The following MAP3K9 variants were observed in gnomAD, a reference collection of about 807,000 sequenced individuals.
The protein encoded by MAP3K9 is mitogen-activated protein kinase kinase kinase 9, also known as mixed lineage kinase 1 (tyr and ser/thr specificity).
MAP3K9 carries 46 observed loss-of-function variants against 95.8 expected under a neutral mutation model. That is an observed-to-expected ratio of 0.48 (90% CI 0.38 to 0.61). MAP3K9 has a LOEUF of 0.61. Among genes scored for constraint, MAP3K9 ranks in the 20% least tolerant of loss-of-function variants. MAP3K9 has a pLI of 0.00. For synonymous variants in MAP3K9, 533 were observed against 593.8 expected (o/e 0.90, Z 1.49); for missense variants, 1,296 against 1,474.3 (o/e 0.88, Z 1.98).
intron 8 of MAP3K9, 48 bp from the exon 9 acceptor site, chr14:70,736,077 A>T: frequency 7.7e-7 from 1 of 1,290,576 alleles, no homozygotes; most frequent in South Asian, 1.2e-5. Context: ...GGGCACATCC[A>T]GCTCAGCCTC....
rs763965483 is a variant in MAP3K9 at position 70,740,145 on chromosome 14, CG to C, written c.1586del (p.Thr529ArgfsTer36). 1 of 1,613,040 alleles carries C rather than the reference CG, an allele frequency of 6.2e-7. No homozygotes were observed. Among genetic ancestry groups the C allele is most frequent in the African/African-American group, 1.3e-5 (1 of 74,866 alleles). ...TATCCATGGTAGGGGAGGCCTGCAC[CG>C]TGAACTTGTGCTGGAAATCTGCTTG... Reference protein sequence around the residue: ...SLPSDFQHKFTVQASPTMDKR... With the variant: ...SLPSDFQHKFXVQASPTMDKR... On this transcript the variant is annotated frameshift_variant, in exon 7 of 12. Transcript: ENST00000554752. LOFTEE classifies it high-confidence loss of function.
intron 2 of MAP3K9, among the ~76,000 whole-genome samples, chr14:70,790,495 G>GATT (rs1389661826): frequency 2.6e-5 from 4 of 152,254 alleles, no homozygotes; most frequent in African/African-American, 4.8e-5. Context: ...CAGTGTCAAG[G>GATT]ACAGCCCTGG....
chr14:70,745,740 A>G (rs532698318), intron 5 of MAP3K9, among the ~76,000 whole-genome samples: 1 of 151,842 alleles, frequency 6.6e-6, no homozygotes, highest in South Asian at 2.1e-4. Context: ...TCTGTCTCAA[A>G]AAAAAAAAAA....
At chr14:70,754,780 A>G (rs1275895003) in intron 3 of MAP3K9, among the ~76,000 whole-genome samples, 1 of 152,100 alleles carries the variant, frequency 6.6e-6, no homozygotes, top group African/African-American at 2.4e-5. Context: ...CACTATTGTA[A>G]TTTTTTAAAC....
In MAP3K9 at chr14:70,808,865, C is replaced by T. The variant is rs779167690; in HGVS notation, c.307G>A (p.Val103Met). 18 of 1,600,324 alleles carry T rather than the reference C, an allele frequency of 1.1e-5. No homozygotes were observed. The highest frequency in any genetic ancestry group is 1.2e-5 in the Non-Finnish European group (14 of 1,176,176). ...GWWTGQLNQR[V>M]GIFPSNYVTP... Reference sequence around the variant, plus strand: ...ACGTAGTTGCTGGGGAAGATGCCCACCCGCTGGTTCAGCTGCCCGGTCCAC... The same window carrying T: ...ACGTAGTTGCTGGGGAAGATGCCCATCCGCTGGTTCAGCTGCCCGGTCCAC... Residue 103 changes from valine to methionine, a missense_variant, in exon 1 of 12, where the codon GTG (valine) becomes ATG (methionine). Physicochemically the swap from Val to Met is conservative, Grantham distance 21 (BLOSUM62 1). This residue lies in a region of MAP3K9 where 338 missense variants were observed against 363.4 expected (regional missense o/e 0.93). Transcript: ENST00000554752.
chr14:70,769,017 G>A (rs940176327), intron 2 of MAP3K9, among the ~76,000 whole-genome samples: 3 of 152,128 alleles, frequency 2.0e-5, no homozygotes, highest in African/African-American at 7.2e-5. Context: ...ATACACATAG[G>A]AGAGTACATT....
intron 3 of MAP3K9, among the ~76,000 whole-genome samples, chr14:70,752,133 G>T (rs1015708789): frequency 6.6e-6 from 1 of 152,136 alleles, no homozygotes; most frequent in Non-Finnish European, 1.5e-5. Context: ...GTAGCCAGTT[G>T]GTCTTGACTC....
Position 70,732,808 on chromosome 14 carries a change from C to T in MAP3K9, c.2561G>A (p.Ser854Asn), listed in dbSNP as rs199653677. Residue 854 changes from serine to asparagine, a missense_variant, in exon 11 of 12, where the codon AGC (serine) becomes AAC (asparagine). Ser to Asn is a conservative substitution (Grantham distance 46, BLOSUM62 1). Coordinates refer to ENST00000554752, the MANE Select transcript of MAP3K9 (RefSeq NM_001284230.2). ...NSTRSLLRSD[S>N]DEIVVYEMPV... ...CATCTCATACACGACAATTTCATCG[C>T]TGTCGGAGCGCAGCAGGGAGCGTGT... 38 of 1,614,104 alleles carry T rather than the reference C, an allele frequency of 2.4e-5. No homozygotes were observed. The highest frequency in any genetic ancestry group is 3.2e-5 in the Non-Finnish European group (38 of 1,179,996).
intron 2 of MAP3K9, among the ~76,000 whole-genome samples, chr14:70,783,721 G>T (rs1436682692): frequency 6.6e-6 from 1 of 152,212 alleles, no homozygotes; most frequent in Non-Finnish European, 1.5e-5. Flanking sequence ...CCTCCAGGAG[G>T]AATGGAACTG....
chr14:70,734,505 C>T lies in MAP3K9; in HGVS notation c.1914-7G>A. 7 of 1,544,284 alleles carry T rather than the reference C, an allele frequency of 4.5e-6. No homozygotes were observed. Among genetic ancestry groups the T allele is most frequent in the Non-Finnish European group, 5.4e-6 (6 of 1,119,720 alleles). ...ATCTACCAGGGACTTGAGGCTGAAT[C>T]AGAGGAAAAGAGGAAACTGTCAGAA... On this transcript the variant is annotated splice_region_variant and splice_polypyrimidine_tract_variant and intron_variant, in intron 9 of 11. Transcript: ENST00000554752.
At chr14:70,773,969 C>T (rs1012186144) in intron 2 of MAP3K9, among the ~76,000 whole-genome samples, 3 of 152,164 alleles carry the variant, frequency 2.0e-5, no homozygotes, top group Non-Finnish European at 2.9e-5. Flanking sequence ...TACAGCAAAA[C>T]AGACACAGAC....
chr14:70,724,726 C>T lies in MAP3K9; in HGVS notation c.*5654G>A, dbSNP rs921934213. ...CAGCACACTATTTCTGAAACCTGGCCTTGGACTTCAGTGAGCGCAGGGCAA... is the reference window on the plus strand; with the variant it reads ...CAGCACACTATTTCTGAAACCTGGCTTTGGACTTCAGTGAGCGCAGGGCAA... On this transcript the variant is annotated 3_prime_UTR_variant, in exon 12 of 12. Coordinates refer to ENST00000554752, the MANE Select transcript of MAP3K9 (RefSeq NM_001284230.2). 6.6e-5 allele frequency: 10 copies of T among 152,242 alleles called. No individual in the cohort carries two copies. The highest frequency in any genetic ancestry group is 2.6e-4 in the Admixed American group (4 of 15,282). The allele number at this position is 152,242 out of a possible 1,614,324, so 9.4% of individuals were successfully genotyped here.
At chr14:70,767,001 C>T (rs2054464312) in intron 2 of MAP3K9, among the ~76,000 whole-genome samples, 1 of 152,156 alleles carries the variant, frequency 6.6e-6, no homozygotes. Flanking sequence ...TACAGTATGA[C>T]TCCTAGAAAG....
Position 70,761,151 on chromosome 14 carries a change from G to A in MAP3K9, c.852C>T (p.Asp284=), listed in dbSNP as rs894737309. The change falls in exon 3 of 12, where the codon GAC becomes GAT. Residue 284 remains aspartate, a synonymous_variant. Coordinates refer to ENST00000554752, the MANE Select transcript of MAP3K9 (RefSeq NM_001284230.2). ...TGATCTTCAGAATCTTGTTGCTCAGGTCTCCATTCTCCACCTTCTGGAGGA... is the reference window on the plus strand; with the variant it reads ...TGATCTTCAGAATCTTGTTGCTCAGATCTCCATTCTCCACCTTCTGGAGGA... ...ILILQKVENG[D]LSNKILKITD... 6.2e-7 allele frequency: 1 copy of A among 1,613,724 alleles called. No individual in the cohort carries two copies. The highest frequency in any genetic ancestry group is 8.5e-7 in the Non-Finnish European group (1 of 1,179,912).
chr14:70,800,315 A>AAG (rs1024644303), intron 2 of MAP3K9, among the ~76,000 whole-genome samples: 19 of 152,294 alleles, frequency 1.2e-4, no homozygotes, highest in Admixed American at 1.1e-3. Flanking sequence ...TTGTTCCACA[A>AAG]AGAGGAAAAT....
intron 1 of MAP3K9, among the ~76,000 whole-genome samples, chr14:70,801,554 G>T (rs567158369): frequency 3.5e-4 from 54 of 152,302 alleles, no homozygotes; most frequent in African/African-American, 1.3e-3. Context: ...ACCTGGCCGA[G>T]ATCCTTTCTT....
rs368502639 is a variant in MAP3K9 at position 70,809,013 on chromosome 14, C to T, written c.159G>A (p.Pro53=). 973 of 1,519,140 alleles carry T rather than the reference C, an allele frequency of 6.4e-4. 2 individuals are homozygous for T. The highest frequency in any genetic ancestry group is 7.3e-4 in the Non-Finnish European group (831 of 1,139,572). The allele number at this position is 1,519,140 out of a possible 1,614,324, so 94.1% of individuals were successfully genotyped here. Residue 53 remains proline (P), a synonymous_variant, in exon 1 of 12, where the codon CCG becomes CCA. Coordinates refer to ENST00000554752, the MANE Select transcript of MAP3K9 (RefSeq NM_001284230.2). ...VGPGELGCDA[P]LPYWTAVFEY... is the part of the protein sequence containing the mutation. ...CGAACACGGCCGTCCAGTAGGGCAG[C>T]GGCGCGTCGCAGCCCAGCTCCCCGG...
intron 1 of MAP3K9, among the ~76,000 whole-genome samples, chr14:70,802,420 T>C (rs1247810532): frequency 6.6e-6 from 1 of 152,190 alleles, no homozygotes; most frequent in African/African-American, 2.4e-5. Flanking sequence ...CTTGATTATA[T>C]ATTTTGTTGT....
rs1220458727 is a variant in MAP3K9 at position 70,728,457 on chromosome 14, G to C, written c.*1923C>G. The stretch of plus-strand genomic sequence containing the variant: ...CTTTGTATGTACTTCTCCCCATCAA[G>C]AATGAAGAAGAATCACTTGGTTGGC... On this transcript the variant is annotated 3_prime_UTR_variant, in exon 12 of 12. Coordinates refer to ENST00000554752, the MANE Select transcript of MAP3K9 (RefSeq NM_001284230.2). 4 of 152,110 alleles carry C rather than the reference G, an allele frequency of 2.6e-5. No homozygotes were observed. The highest frequency in any genetic ancestry group is 9.7e-5 in the African/African-American group (4 of 41,420). 9.4% of individuals were successfully genotyped at this position (152,110 alleles called of 1,614,324 possible). A position where few individuals can be genotyped will look rare whatever the true frequency, so the allele number is the denominator to read the frequency against.
Sources: gnomAD v4.1 joint callset for allele counts (sites outside exome capture counted in the v4.1 genomes callset) on GRCh38, gnomAD v4.1.1 for gene constraint, gnomAD v4.1.1 regional missense constraint, MANE v1.5 for transcripts, NCBI Gene and HGNC (gene_info 2026-07-23, HGNC 2026-07-21) for gene names.